The following GGA1 variants were observed in gnomAD, a reference collection of about 807,000 sequenced individuals.
GGA1 encodes ADP-ribosylation factor-binding protein GGA1.
A neutral mutation model predicts 76.9 loss-of-function variants in GGA1; 18 were observed. That is an observed-to-expected ratio of 0.23 (90% CI 0.16 to 0.35). The LOEUF (loss-of-function observed/expected upper bound fraction) is 0.35, where lower values mean the gene tolerates loss of function less well. Ranked by LOEUF, GGA1 falls within the 10% of genes least tolerant of loss-of-function variation. The probability of loss-of-function intolerance (pLI) is 1.00; values close to 1 mark genes in which losing one functional copy is unlikely to be tolerated. For missense variants in GGA1, 755 were observed against 859.0 expected, an observed-to-expected ratio of 0.88 and a Z score of 1.51; for synonymous variants, 342 against 354.7, an observed-to-expected ratio of 0.96 and a Z score of 0.40.
chr22:37,620,795 G>T lies in GGA1; in HGVS notation c.428-18G>T. The T allele has an allele frequency of 6.7e-7, 1 of 1,495,144 alleles. No individual in the cohort carries two copies. Among genetic ancestry groups the T allele is most frequent in the South Asian group, 1.1e-5 (1 of 88,700 alleles). 92.6% of individuals were successfully genotyped at this position (1,495,144 alleles called of 1,614,324 possible). On this transcript the variant is annotated intron_variant, in intron 5 of 16. Coordinates refer to ENST00000343632, the MANE Select transcript of GGA1 (RefSeq NM_013365.5). Reference sequence around the variant, plus strand: ...CCTGGGACATATTGACAGCCTTTCTGACACTCATCTAATCCAGGGATTGTA... The same window carrying T: ...CCTGGGACATATTGACAGCCTTTCTTACACTCATCTAATCCAGGGATTGTA...
At position 37,620,929 on chromosome 22, in the gene GGA1, G is replaced by A. The variant is rs1432496262; in HGVS notation, c.528+16G>A. 5 of 1,474,412 alleles carry A rather than the reference G, an allele frequency of 3.4e-6. No individual in the cohort carries two copies. The East Asian group carries it at 9.0e-5, about 27-fold the overall frequency. The allele number at this position is 1,474,412 out of a possible 1,614,324, so 91.3% of individuals were successfully genotyped here. A position where few individuals can be genotyped will look rare whatever the true frequency, so the allele number is the denominator to read the frequency against. ...GAAATCCAAGGTGAGACTCCAAGGAGGCACATATGGGGACTCTGAGCCCAG... is the reference window on the plus strand; with the variant it reads ...GAAATCCAAGGTGAGACTCCAAGGAAGCACATATGGGGACTCTGAGCCCAG... On this transcript the variant is annotated intron_variant, in intron 6 of 16. Coordinates refer to ENST00000343632, the MANE Select transcript of GGA1 (RefSeq NM_013365.5).
At position 37,623,994 on chromosome 22, in the gene GGA1, C is replaced by A. The variant is rs531720236; in HGVS notation, c.832+361C>A. ...GACGGAGGGCCATCTGCCCCCAGAC[C>A]TTCCTCCCTAATGAGGGTGAATGGA... On this transcript the variant is annotated intron_variant, in intron 9 of 16. Transcript: ENST00000343632. This position sits in a 1 kb window ranked among gnomAD's most constrained non-coding sequence, Gnocchi z 4.6. The A allele has an allele frequency of 7.9e-6, 2 of 253,474 alleles. No individual in the cohort carries two copies. The highest frequency in any genetic ancestry group is 9.5e-5 in the South Asian group (2 of 21,014). 15.7% of individuals were successfully genotyped at this position (253,474 alleles called of 1,614,324 possible).
intron 2 of GGA1, among the ~76,000 whole-genome samples, chr22:37,615,951 C>T (rs1210813445): frequency 6.6e-6 from 1 of 151,762 alleles, no homozygotes; most frequent in Non-Finnish European, 1.5e-5. Flanking sequence ...CGCGGTTCTC[C>T]TGCCTCAGCC....
Position 37,632,872 on chromosome 22 carries a change from C to A in GGA1, c.*161C>A. On this transcript the variant is annotated 3_prime_UTR_variant, in exon 17 of 17. Coordinates refer to ENST00000343632, the MANE Select transcript of GGA1 (RefSeq NM_013365.5). This position sits in a 1 kb window ranked among gnomAD's most constrained non-coding sequence, Gnocchi z 5.1. ...TGTAGGCCTCAAGTGACTCTTCCCCCTCCTGCTCCGGCCCCGCCCCTGCTG... is the reference window on the plus strand; with the variant it reads ...TGTAGGCCTCAAGTGACTCTTCCCCATCCTGCTCCGGCCCCGCCCCTGCTG... 2 of 604,682 alleles carry A rather than the reference C, an allele frequency of 3.3e-6. No individual in the cohort carries two copies. Among genetic ancestry groups the A allele is most frequent in the South Asian group, 1.9e-5 (1 of 51,390 alleles). The allele number at this position is 604,682 out of a possible 1,614,324, so 37.5% of individuals were successfully genotyped here.
At chr22:37,629,395 C>G (rs1305750561) in intron 11 of GGA1, 67 bp from the exon 12 acceptor site, 1 of 1,104,524 alleles carries the variant, frequency 9.1e-7, no homozygotes, top group African/African-American at 1.6e-5. Flanking sequence ...GCACACATGG[C>G]CCCTCGGCTC....
At chr22:37,628,775 C>G (rs1387073768) in intron 11 of GGA1, among the ~76,000 whole-genome samples, 1 of 152,220 alleles carries the variant, frequency 6.6e-6, no homozygotes, top group Non-Finnish European at 1.5e-5. Flanking sequence ...GAAACAAGAT[C>G]CCTTATCTTC....
chr22:37,623,171 G>C lies in GGA1; in HGVS notation c.610-156G>C, dbSNP rs1930191991. ...AGCGTGCCCTTCCTAGGCATGAGGG[G>C]CTCCTGGCAGGGCCTGCTGGAGCCC... On this transcript the variant is annotated intron_variant, in intron 7 of 16. Coordinates refer to ENST00000343632, the MANE Select transcript of GGA1 (RefSeq NM_013365.5). This position sits in a 1 kb window ranked among gnomAD's most constrained non-coding sequence, Gnocchi z 4.6. 6.6e-6 allele frequency among the ~76,000 whole-genome samples: 1 copy of C among 152,152 alleles called. No individual in the cohort carries two copies. The highest frequency in any genetic ancestry group is 2.4e-5 in the African/African-American group (1 of 41,440).
In GGA1 at chr22:37,614,178, C is replaced by G. The variant is rs780902489; in HGVS notation, c.44-12C>G. The G allele has an allele frequency of 6.2e-5, 99 of 1,600,736 alleles. No homozygotes were observed. The highest frequency in any genetic ancestry group is 1.6e-5 in the Non-Finnish European group (19 of 1,168,306). ...CTGCCGGGCCACAATGACCCCAGCT[C>G]TCCTCTTCCAGATAGAGCCACGAAC... is the stretch of plus-strand genomic sequence containing the variant. On this transcript the variant is annotated splice_polypyrimidine_tract_variant and intron_variant, in intron 1 of 16. Coordinates refer to ENST00000343632, the MANE Select transcript of GGA1 (RefSeq NM_013365.5).
chr22:37,629,517 C>T lies in GGA1; in HGVS notation c.1149C>T (p.Asn383=), dbSNP rs1191949757. 3 of 1,578,468 alleles carry T rather than the reference C, an allele frequency of 1.9e-6. No individual in the cohort carries two copies. In the African/African-American group the frequency reaches 4.1e-5, roughly 22 times the overall value. The part of the protein sequence containing the change: ...SGPSLDGTGW[N]SFQSSDATEP... ...CAAGCCTGGATGGTACCGGATGGAA[C>T]AGCTTCCAGGTAGGAGGGGACCACA... is the stretch of plus-strand genomic sequence containing the variant. The change falls in exon 12 of 17, where the codon AAC becomes AAT. Residue 383 remains asparagine, a synonymous_variant. Transcript: ENST00000343632.
intron 4 of GGA1, chr22:37,620,035 C>A: frequency 1.6e-6 from 1 of 638,570 alleles, no homozygotes; most frequent in Non-Finnish European, 2.8e-6. Flanking sequence ...GAAACAGACA[C>A]TGAGGGCTGA....
At chr22:37,610,652 C>CAA (rs1927346182) in intron 1 of GGA1, 1 of 151,988 alleles carries the variant, frequency 6.6e-6, no homozygotes, top group Admixed American at 6.6e-5. Context: ...GTCGGCCTCT[C>CAA]AAAGTGTTGG....
chr22:37,617,177 C>G (rs1439957000), intron 3 of GGA1, 180 bp downstream of exon 3: 23 of 1,461,178 alleles, frequency 1.6e-5, no homozygotes, highest in Non-Finnish European at 2.1e-5. Flanking sequence ...GGCTGGCCTC[C>G]CACCCCAGCA....
In GGA1 at chr22:37,623,584, C is replaced by A; in HGVS notation, c.783C>A (p.Pro261=). Residue 261 remains proline (P), a synonymous_variant, in exon 9 of 17, where the codon CCC becomes CCA. Transcript: ENST00000343632. The surrounding 1 kb of genome is among the most constrained non-coding windows in gnomAD (Gnocchi z 4.6). Reference sequence around the variant, plus strand: ...ACCAGCGCTGTGAGCGGATGCGGCCCACGCTCTTCCGACTGGCGAGTGACA... The same window carrying A: ...ACCAGCGCTGTGAGCGGATGCGGCCAACGCTCTTCCGACTGGCGAGTGACA... ...ELYQRCERMR[P]TLFRLASDTE... is the part of the protein sequence containing the mutation. 6.2e-7 allele frequency: 1 copy of A among 1,607,230 alleles called. No homozygotes were observed. The highest frequency in any genetic ancestry group is 8.5e-7 in the Non-Finnish European group (1 of 1,176,908).
chr22:37,618,430 T>G lies in GGA1; in HGVS notation c.205-18T>G. 1 of 1,432,198 alleles carries G rather than the reference T, an allele frequency of 7.0e-7. No homozygotes were observed. The highest frequency in any genetic ancestry group is 9.8e-7 in the Non-Finnish European group (1 of 1,016,566). 88.7% of individuals were successfully genotyped at this position (1,432,198 alleles called of 1,614,324 possible). On this transcript the variant is annotated intron_variant, in intron 3 of 16. Transcript: ENST00000343632. ...TGATGCACCTGGGCGTCCCCTCCCA[T>G]CCCCCCTCCCTGCACAGGTGCTGGA...
chr22:37,618,545 A>G lies in GGA1; in HGVS notation c.302A>G (p.Lys101Arg). 1.3e-6 allele frequency: 2 copies of G among 1,599,162 alleles called. No homozygotes were observed. Among genetic ancestry groups the G allele is most frequent in the African/African-American group, 2.7e-5 (2 of 74,772 alleles). The change falls in exon 4 of 17, where the codon AAG becomes AGG. Residue 101 changes from lysine to arginine, a missense_variant and splice_region_variant. Physicochemically the swap from Lys to Arg is conservative, Grantham distance 26 (BLOSUM62 2). Transcript: ENST00000343632. The stretch of plus-strand genomic sequence containing the variant: ...GAGCTCATCAAGGTCGTGTCTCCCA[A>G]GGTTGGTGCCCCCAGCCCAAGCTCA... ...LNELIKVVSP[K>R]YLGSRTSEKV...
chr22:37,609,332 G>C, intron 1 of GGA1: 1 of 1,098,998 alleles, frequency 9.1e-7, no homozygotes, highest in South Asian at 2.0e-5. Context: ...CCACTCTCTG[G>C]CCCTGCATGG....
chr22:37,620,741 C>G, intron 5 of GGA1, 72 bp from the exon 6 acceptor site: 1 of 928,954 alleles, frequency 1.1e-6, no homozygotes. Flanking sequence ...CTTGCCTGCC[C>G]CCATCCCCAT....
intron 4 of GGA1, chr22:37,619,802 G>A: frequency 1.3e-6 from 1 of 778,740 alleles, no homozygotes; most frequent in South Asian, 1.3e-5. Context: ...CCCAACAGGG[G>A]ACTCTGCTGT....
In GGA1 at chr22:37,624,899, T is replaced by C. The variant is rs896690498; in HGVS notation, c.833-70T>C. 8 of 1,524,362 alleles carry C rather than the reference T, an allele frequency of 5.2e-6. No homozygotes were observed. The highest frequency in any genetic ancestry group is 7.1e-6 in the Non-Finnish European group (8 of 1,129,728). 94.4% of individuals were successfully genotyped at this position (1,524,362 alleles called of 1,614,324 possible). A position where few individuals can be genotyped will look rare whatever the true frequency, so the allele number is the denominator to read the frequency against. The stretch of plus-strand genomic sequence containing the variant: ...CACACAGGCTGTGATGGATGTGGGG[T>C]CCTCGTCCCCTGCCGCCCAGAGGCC... On this transcript the variant is annotated intron_variant, in intron 9 of 16. Coordinates refer to ENST00000343632, the MANE Select transcript of GGA1 (RefSeq NM_013365.5). The surrounding 1 kb of genome is among the most constrained non-coding windows in gnomAD (Gnocchi z 4.3).
Sources: allele counts gnomAD v4.1 joint callset (sites outside exome capture counted in the v4.1 genomes callset), GRCh38; gene constraint gnomAD v4.1.1; non-coding constraint Gnocchi (gnomAD v3.1); transcripts MANE v1.5; gene names NCBI Gene and HGNC (gene_info 2026-07-23, HGNC 2026-07-21).